The following BRINP3 variants were observed in gnomAD, a reference collection of about 807,000 sequenced individuals.
BRINP3 encodes the protein BMP/retinoic acid inducible neural specific 3.
Under a neutral mutation model 71.0 loss-of-function variants are expected in BRINP3, and 19 were observed. The observed-to-expected ratio is 0.27, with a 90% CI of 0.19 to 0.39. BRINP3 has a LOEUF of 0.39. Ranked by LOEUF, BRINP3 falls within the 10% of genes least tolerant of loss-of-function variation. BRINP3 has a pLI of 1.00. For synonymous variants in BRINP3, 380 were observed against 337.7 expected (o/e 1.13, Z -1.37); for missense variants, 959 against 940.8 (o/e 1.02, Z -0.25).
chr1:190,270,493 C>T (rs900973855), intron 3 of BRINP3, among the ~76,000 whole-genome samples: 15 of 151,654 alleles, frequency 9.9e-5, no homozygotes, highest in African/African-American at 3.6e-4. Context: ...GGAATATATT[C>T]TGAAGACGAA....
In BRINP3 at chr1:190,366,550, C is replaced by T. The variant is rs966139015; in HGVS notation, c.237-84800G>A. ...TCTCATATTCTCACATTTCAAAACA[C>T]AGTCATCTTTCAACAGCCCCCCAAA... On this transcript the variant is annotated intron_variant, in intron 2 of 7. Transcript: ENST00000367462. Among the ~76,000 whole-genome samples the T allele has an allele frequency of 1.1e-4, 16 of 152,128 alleles. 2 individuals are homozygous for T. Among genetic ancestry groups the T allele is most frequent in the Admixed American group, 1.0e-3 (16 of 15,268 alleles).
intron 6 of BRINP3, among the ~76,000 whole-genome samples, chr1:190,222,786 T>C (rs553752811): frequency 1.8e-4 from 27 of 151,806 alleles, no homozygotes; most frequent in Admixed American, 7.9e-4. Flanking sequence ...GACAAATTCT[T>C]TGTCTAAGAA....
intron 6 of BRINP3, among the ~76,000 whole-genome samples, chr1:190,182,145 T>C (rs1047541571): frequency 2.0e-5 from 3 of 152,080 alleles, no homozygotes; most frequent in Admixed American, 2.0e-4. Flanking sequence ...TATTATACTG[T>C]TGTGTGTCTT....
intron 2 of BRINP3, among the ~76,000 whole-genome samples, chr1:190,399,257 C>A (rs1027829567): frequency 6.6e-6 from 1 of 151,820 alleles, no homozygotes; most frequent in Non-Finnish European, 1.5e-5. Context: ...CTCCCCCAAA[C>A]AAATAATAAA....
intron 7 of BRINP3, among the ~76,000 whole-genome samples, chr1:190,152,686 A>G (rs1243779107): frequency 2.6e-5 from 4 of 151,968 alleles, no homozygotes; most frequent in Non-Finnish European, 4.4e-5. Context: ...CAAAATGTTG[A>G]GGTACCGAAG....
chr1:190,416,320 G>C (rs1004946289), intron 2 of BRINP3, among the ~76,000 whole-genome samples: 10 of 152,040 alleles, frequency 6.6e-5, no homozygotes, highest in Non-Finnish European at 1.3e-4. Context: ...TTTTCAATCT[G>C]TTGACTGACT....
intron 4 of BRINP3, among the ~76,000 whole-genome samples, chr1:190,246,279 G>C (rs571889088): frequency 9.9e-5 from 15 of 151,828 alleles, no homozygotes; most frequent in African/African-American, 3.1e-4. Flanking sequence ...ATTTCCTCTA[G>C]AGACCAGAAT....
At chr1:190,453,878 T>C (rs976545498) in intron 2 of BRINP3, among the ~76,000 whole-genome samples, 1 of 152,166 alleles carries the variant, frequency 6.6e-6, no homozygotes, top group African/African-American at 2.4e-5. Context: ...CTAGGAATTG[T>C]AAAAGTCTAT....
intron 2 of BRINP3, among the ~76,000 whole-genome samples, chr1:190,333,356 A>C (rs530556309): frequency 6.6e-6 from 1 of 152,092 alleles, no homozygotes; most frequent in East Asian, 1.9e-4. Context: ...ATTTGTTAAT[A>C]ACACTAAATT....
intron 2 of BRINP3, among the ~76,000 whole-genome samples, chr1:190,334,414 G>A (rs915078219): frequency 1.3e-4 from 20 of 151,710 alleles, no homozygotes; most frequent in African/African-American, 2.9e-4. Context: ...AAATCAACAC[G>A]AGAAACTGAA....
rs934026209 is a variant in BRINP3 at position 190,344,585 on chromosome 1, A to G, written c.237-62835T>C. 7.2e-5 allele frequency among the ~76,000 whole-genome samples: 11 copies of G among 151,972 alleles called. No homozygotes were observed. The East Asian group carries it at 1.7e-3, about 24-fold the overall frequency. On this transcript the variant is annotated intron_variant, in intron 2 of 7. Transcript: ENST00000367462. ...CATCATCATGACTTTCTTAGAGAACACTTTTTCTGATAATCATGGTTTCTT... is the reference window on the plus strand; with the variant it reads ...CATCATCATGACTTTCTTAGAGAACGCTTTTTCTGATAATCATGGTTTCTT...
intron 1 of BRINP3, among the ~76,000 whole-genome samples, chr1:190,462,313 T>C (rs933659901): frequency 6.6e-6 from 1 of 152,176 alleles, no homozygotes; most frequent in African/African-American, 2.4e-5. Flanking sequence ...ATTATCATAT[T>C]ATGCACAACT....
chr1:190,240,863 ACT>A (rs1276683303), intron 4 of BRINP3, among the ~76,000 whole-genome samples: 35 of 124,838 alleles, frequency 2.8e-4, no homozygotes, highest in Non-Finnish European at 4.6e-4. Flanking sequence ...TAAGAGTGAA[ACT>A]CTGTCTCAAA....
chr1:190,264,928 G>C lies in BRINP3; in HGVS notation c.555C>G (p.Phe185Leu). 1 of 1,613,802 alleles carries C rather than the reference G, an allele frequency of 6.2e-7. No homozygotes were observed. Among genetic ancestry groups the C allele is most frequent in the Non-Finnish European group, 8.5e-7 (1 of 1,179,928 alleles). ...ETLHQLAASY[F>L]IDRDSTLRRL... Reference sequence around the variant, plus strand: ...TCCGAAGGGTGCTGTCCCTGTCAATGAAATAAGAAGCGGCTAGCTGATGTA... The same window carrying C: ...TCCGAAGGGTGCTGTCCCTGTCAATCAAATAAGAAGCGGCTAGCTGATGTA... Residue 185 changes from phenylalanine (F) to leucine (L), a missense_variant, in exon 4 of 8, where the codon TTC becomes TTG. By Grantham distance (22) the Phe-to-Leu change is conservative (BLOSUM62 0). Transcript: ENST00000367462.
At chr1:190,121,784 G>A (rs962853456) in intron 7 of BRINP3, among the ~76,000 whole-genome samples, 1 of 152,066 alleles carries the variant, frequency 6.6e-6, no homozygotes, top group Non-Finnish European at 1.5e-5. Context: ...AATTCTAACT[G>A]CCTATTACAT....
intron 2 of BRINP3, among the ~76,000 whole-genome samples, chr1:190,371,904 A>C (rs754084377): frequency 5.9e-5 from 9 of 152,132 alleles, no homozygotes; most frequent in South Asian, 2.1e-4. Context: ...TACAACCAGT[A>C]CTATTACCCC....
intron 6 of BRINP3, among the ~76,000 whole-genome samples, chr1:190,189,218 G>A (rs1035628708): frequency 2.0e-5 from 3 of 152,062 alleles, no homozygotes; most frequent in Non-Finnish European, 2.9e-5. Context: ...AGAAGAATTT[G>A]TATTAATTGT....
At chr1:190,443,327 C>T (rs1463536702) in intron 2 of BRINP3, among the ~76,000 whole-genome samples, 3 of 151,028 alleles carry the variant, frequency 2.0e-5, no homozygotes, top group Non-Finnish European at 4.4e-5. Flanking sequence ...ATGGCGTGAA[C>T]CAGGGAGGCG....
chr1:190,415,592 A>T (rs1672958128), intron 2 of BRINP3, among the ~76,000 whole-genome samples: 1 of 152,172 alleles, frequency 6.6e-6, no homozygotes, highest in Non-Finnish European at 1.5e-5. Flanking sequence ...AAATCTAGAT[A>T]TAATATAATT....
Sources: allele counts gnomAD v4.1 joint callset (sites outside exome capture counted in the v4.1 genomes callset), GRCh38; gene constraint gnomAD v4.1.1; transcripts MANE v1.5; gene names NCBI Gene and HGNC (gene_info 2026-07-23, HGNC 2026-07-21).